AATK: variants seen among roughly 807,000 people sequenced by gnomAD.
AATK encodes the protein lemur tail kinase 1.
Under a neutral mutation model 114.3 loss-of-function variants are expected in AATK, and 91 were observed. The ratio of observed to expected loss-of-function variants is 0.80; its 90% CI spans 0.67 to 0.95. The LOEUF (loss-of-function observed/expected upper bound fraction) is 0.95, where lower values mean the gene tolerates loss of function less well. Ranked by LOEUF, AATK falls within the 40% of genes least tolerant of loss-of-function variation. The probability of loss-of-function intolerance (pLI) is 0.00; values close to 1 mark genes in which losing one functional copy is unlikely to be tolerated. For missense variants in AATK, 2,176 were observed against 1,965.2 expected, an observed-to-expected ratio of 1.11 and a Z score of -2.03; for synonymous variants, 1,075 against 916.5, an observed-to-expected ratio of 1.17 and a Z score of -3.12.
chr17:81,141,131 C>A (rs2061132345), intron 1 of AATK, among the ~76,000 whole-genome samples: 1 of 152,170 alleles, frequency 6.6e-6, no homozygotes, highest in African/African-American at 2.4e-5. Flanking sequence ...AGAGCCCAGC[C>A]TCCACCACAT....
chr17:81,135,177 C>T (rs1397761489), intron 1 of AATK, among the ~76,000 whole-genome samples: 1 of 152,200 alleles, frequency 6.6e-6, no homozygotes, highest in Non-Finnish European at 1.5e-5. Context: ...CCCCTCATCC[C>T]AGAGGGGAAC....
chr17:81,153,552 G>T (rs534507681), intron 1 of AATK, among the ~76,000 whole-genome samples: 1 of 152,286 alleles, frequency 6.6e-6, no homozygotes, highest in East Asian at 1.9e-4. Flanking sequence ...CTAAGAAGCC[G>T]GGGAAGTTAC....
chr17:81,158,221 C>T (rs1021218176), intron 1 of AATK, among the ~76,000 whole-genome samples: 4 of 152,368 alleles, frequency 2.6e-5, no homozygotes, highest in African/African-American at 4.8e-5. Flanking sequence ...CCAGACCCCG[C>T]GGCAGAGAGC....
chr17:81,137,257 TAA>T (rs57760563), intron 1 of AATK, among the ~76,000 whole-genome samples: 45 of 132,822 alleles, frequency 3.4e-4, no homozygotes, highest in Admixed American at 3.7e-4. Flanking sequence ...GACTCCGCCT[TAA>T]AAAAAAAAAA....
intron 1 of AATK, among the ~76,000 whole-genome samples, chr17:81,153,942 G>A (rs185525276): frequency 1.3e-5 from 2 of 152,156 alleles, no homozygotes; most frequent in African/African-American, 2.4e-5. Context: ...GTGGTGGCGG[G>A]CACCTGTAAT....
At position 81,134,998 on chromosome 17, in the gene AATK, C is replaced by T. The variant is rs560725477; in HGVS notation, c.56-497G>A. Among the ~76,000 whole-genome samples, 369 of 152,290 alleles carry T rather than the reference C, an allele frequency of 2.4e-3. 2 individuals are homozygous for T. The highest frequency in any genetic ancestry group is 8.5e-3 in the African/African-American group (355 of 41,560). On this transcript the variant is annotated intron_variant, in intron 1 of 13. Coordinates refer to ENST00000326724, the MANE Select transcript of AATK (RefSeq NM_001080395.3). The stretch of plus-strand genomic sequence containing the variant: ...TCCAGCCTCTGAGGTGCGGGGACCT[C>T]ACTGTCCCTGAGAAGGTGGTGCTGC...
chr17:81,130,608 A>C (rs1206763244), intron 3 of AATK, among the ~76,000 whole-genome samples: 2 of 152,080 alleles, frequency 1.3e-5, no homozygotes, highest in Non-Finnish European at 2.9e-5. Context: ...CGTGTCCCTG[A>C]AGGGCTGGCG....
rs769907279 is a variant in AATK at position 81,165,988 on chromosome 17, G to T, written c.5C>A (p.Ser2Ter). 4 of 1,578,294 alleles carry T rather than the reference G, an allele frequency of 2.5e-6. No individual in the cohort carries two copies. The highest frequency in any genetic ancestry group is 3.4e-6 in the Non-Finnish European group (4 of 1,164,478). ...GAAGCTGGGGTTGAAGAAGGACGAC[G>T]ACATGGCCGGGCCAGCGGCCGGCGG... M[S>*]SSFFNPSFAF... is the part of the protein sequence containing the mutation. The change falls in exon 1 of 14, where the codon TCG (serine) becomes TAG (stop). Residue 2 changes from serine (S) to a stop codon, truncating the protein, a stop_gained. Transcript: ENST00000326724. LOFTEE classifies it high-confidence loss of function.
At chr17:81,159,058 G>C in intron 1 of AATK, among the ~76,000 whole-genome samples, 1 of 152,218 alleles carries the variant, frequency 6.6e-6, no homozygotes, top group Non-Finnish European at 1.5e-5. Flanking sequence ...TGCCAGGGCT[G>C]GGGGCAGGGG....
intron 1 of AATK, among the ~76,000 whole-genome samples, chr17:81,136,991 C>G (rs899182390): frequency 4.6e-5 from 7 of 152,146 alleles, no homozygotes; most frequent in Non-Finnish European, 7.4e-5. Context: ...GGCGCGGTGG[C>G]TCATGCCTGT....
In AATK at chr17:81,119,328, C is replaced by CCGTGCCCTGCCTCCCG. The variant is rs983923248; in HGVS notation, c.4084+36_4084+51dup. 6.2e-5 allele frequency: 71 copies of CCGTGCCCTGCCTCCCG among 1,151,814 alleles called. No homozygotes were observed. In the Middle Eastern group the frequency reaches 1.2e-3, roughly 19 times the overall value. The allele number at this position is 1,151,814 out of a possible 1,614,324, so 71.3% of individuals were successfully genotyped here. ...ACGGAGGGGCCCCACCCTCGGAGCTCCGTGCCCTGCCTCCCGCGTGCCCTT... is the reference window on the plus strand; with the variant it reads ...ACGGAGGGGCCCCACCCTCGGAGCTCCGTGCCCTGCCTCCCGCGTGCCCTGCCTCCCGCGTGCCCTT... On this transcript the variant is annotated intron_variant, in intron 13 of 13. Transcript: ENST00000326724.
At chr17:81,118,842 C>G (rs1026657334) in intron 13 of AATK, among the ~76,000 whole-genome samples, 1 of 152,230 alleles carries the variant, frequency 6.6e-6, no homozygotes, top group Non-Finnish European at 1.5e-5. Flanking sequence ...AGGAAGCTGG[C>G]AGGGGGCCTT....
chr17:81,155,867 T>C (rs1313011891), intron 1 of AATK, among the ~76,000 whole-genome samples: 1 of 151,502 alleles, frequency 6.6e-6, no homozygotes, highest in East Asian at 1.9e-4. Flanking sequence ...TTATTTTTTG[T>C]AGAGATGCGG....
At chr17:81,165,277 T>C (rs1567832535) in intron 1 of AATK, among the ~76,000 whole-genome samples, 1 of 152,146 alleles carries the variant, frequency 6.6e-6, no homozygotes, top group African/African-American at 2.4e-5. Context: ...CAGGCAGCCA[T>C]GGGTAATCTC....
At chr17:81,133,187 G>T in intron 2 of AATK, 1 of 483,444 alleles carries the variant, frequency 2.1e-6, no homozygotes, top group Middle Eastern at 4.2e-4. Flanking sequence ...CTCCTCACTG[G>T]TTGATGGGGC....
intron 3 of AATK, among the ~76,000 whole-genome samples, chr17:81,129,296 C>A (rs1023984883): frequency 6.6e-6 from 1 of 152,048 alleles, no homozygotes; most frequent in Non-Finnish European, 1.5e-5. Flanking sequence ...CAGAATTGAG[C>A]GTGTGGGCCC....
In AATK at chr17:81,121,762, C is replaced by A; in HGVS notation, c.2174G>T (p.Gly725Val). ...TGCCTGGAGCCCAAGCAGAGGCTCT[C>A]CAGGGTACCCCGGCTCGGGGGAGGC... ...PRASPEPGYP[G>V]EPLLGLQAAS... The change falls in exon 11 of 14, where the codon GGA (glycine) becomes GTA (valine). Residue 725 changes from glycine to valine, a missense_variant. This residue lies in a region of AATK where 1,701 missense variants were observed against 1,394.7 expected (regional missense o/e 1.22). Coordinates refer to ENST00000326724, the MANE Select transcript of AATK (RefSeq NM_001080395.3). 6.6e-7 allele frequency: 1 copy of A among 1,526,084 alleles called. No individual in the cohort carries two copies. The highest frequency in any genetic ancestry group is 2.4e-5 in the East Asian group (1 of 42,204). The allele number at this position is 1,526,084 out of a possible 1,614,324, so 94.5% of individuals were successfully genotyped here. A position where few individuals can be genotyped will look rare whatever the true frequency, so the allele number is the denominator to read the frequency against.
chr17:81,121,488 G>A lies in AATK; in HGVS notation c.2448C>T (p.Ala816=), dbSNP rs2146286766. ...GAPLPSEEAS[A]PDAPDALPDS... ...CAGGCAGGGCATCAGGGGCGTCGGGGGCACTGGCCTCCTCCGAGGGAAGTG... is the reference window on the plus strand; with the variant it reads ...CAGGCAGGGCATCAGGGGCGTCGGGAGCACTGGCCTCCTCCGAGGGAAGTG... Residue 816 remains alanine (A), a synonymous_variant, in exon 11 of 14, where the codon GCC becomes GCT. Transcript: ENST00000326724. 3 of 1,565,820 alleles carry A rather than the reference G, an allele frequency of 1.9e-6. No individual in the cohort carries two copies. The highest frequency in any genetic ancestry group is 1.3e-5 in the African/African-American group (1 of 74,298).
Position 81,123,095 on chromosome 17 carries a change from G to T in AATK, c.1112+99C>A. On this transcript the variant is annotated intron_variant, in intron 10 of 13. Transcript: ENST00000326724. ...CCAGAGGGGAGGGGAGACCAGGCAG[G>T]GCTGGAACGCCAGGGGGTCAGGGTG... is the stretch of plus-strand genomic sequence containing the variant. 4 of 1,305,616 alleles carry T rather than the reference G, an allele frequency of 3.1e-6. No individual in the cohort carries two copies. The South Asian group carries it at 7.6e-5, about 25-fold the overall frequency. The allele number at this position is 1,305,616 out of a possible 1,614,324, so 80.9% of individuals were successfully genotyped here.
Sources: allele counts gnomAD v4.1 joint callset (sites outside exome capture counted in the v4.1 genomes callset), GRCh38; gene constraint gnomAD v4.1.1; regional missense constraint gnomAD v4.1.1; transcripts MANE v1.5; gene names NCBI Gene and HGNC (gene_info 2026-07-23, HGNC 2026-07-21).